PLCB1: variants seen among roughly 807,000 people sequenced by gnomAD.
PLCB1 encodes the protein phospholipase C beta 1.
PLCB1 carries 46 observed loss-of-function variants against 161.8 expected under a neutral mutation model. The ratio of observed to expected loss-of-function variants is 0.28; its 90% confidence interval spans 0.22 to 0.36. The LOEUF (loss-of-function observed/expected upper bound fraction) is 0.36. Among genes scored for constraint, PLCB1 ranks in the 10% least tolerant of loss-of-function variants. The pLI, the probability that PLCB1 is intolerant of heterozygous loss-of-function variation, is 1.00. For missense variants in PLCB1, 1,016 were observed against 1,472.5 expected (o/e 0.69, Z 5.07); for synonymous variants, 517 against 503.7 (o/e 1.03, Z -0.35).
chr20:8,523,492 CTCTCTA>C (rs1292338243), intron 3 of PLCB1, among the ~76,000 whole-genome samples: 33 of 61,854 alleles, frequency 5.3e-4, no homozygotes, highest in East Asian at 4.7e-3. Flanking sequence ...CTCTCTCTCT[CTCTCTA>C]TATATATATA....
chr20:8,642,175 C>A (rs1988977727), intron 4 of PLCB1, among the ~76,000 whole-genome samples: 1 of 152,078 alleles, frequency 6.6e-6, no homozygotes, highest in South Asian at 2.1e-4. Context: ...GATTGGCAAT[C>A]ATTTCTCTTT....
chr20:8,512,812 A>G (rs906934261), intron 3 of PLCB1, among the ~76,000 whole-genome samples: 16 of 152,124 alleles, frequency 1.1e-4, no homozygotes, highest in Admixed American at 9.8e-4. Context: ...CAAACATTTC[A>G]AATTCATTCT....
At chr20:8,344,628 G>C (rs1223793338) in intron 2 of PLCB1, among the ~76,000 whole-genome samples, 3 of 152,014 alleles carry the variant, frequency 2.0e-5, no homozygotes, top group East Asian at 1.9e-4. Context: ...CCCTGAAAAA[G>C]TCACGTCCCC....
At chr20:8,811,102 G>A (rs1984796989) in intron 31 of PLCB1, among the ~76,000 whole-genome samples, 1 of 152,224 alleles carries the variant, frequency 6.6e-6, no homozygotes. Flanking sequence ...GCATGAGTAT[G>A]AAGGGCATGA....
chr20:8,317,222 A>T (rs147709240), intron 2 of PLCB1, among the ~76,000 whole-genome samples: 526 of 152,286 alleles, frequency 3.5e-3, no homozygotes, highest in Middle Eastern at 0.031. Flanking sequence ...AATGCATAAA[A>T]GTGCTTTAGA....
chr20:8,283,499 C>G (rs915692916), intron 2 of PLCB1, among the ~76,000 whole-genome samples: 1 of 146,396 alleles, frequency 6.8e-6, no homozygotes, highest in African/African-American at 2.7e-5. Context: ...AACATTCTAA[C>G]AGTCTTTAAA....
intron 3 of PLCB1, among the ~76,000 whole-genome samples, chr20:8,466,958 T>C (rs547473934): frequency 2.8e-4 from 42 of 152,276 alleles, no homozygotes; most frequent in African/African-American, 8.9e-4. Flanking sequence ...TTTTGTTTTA[T>C]TTTTGAGATC....
intron 11 of PLCB1, among the ~76,000 whole-genome samples, chr20:8,702,349 C>T (rs1978413484): frequency 6.6e-6 from 1 of 152,144 alleles, no homozygotes; most frequent in Non-Finnish European, 1.5e-5. Context: ...CTACCCACCT[C>T]CTTCCCAGGG....
At chr20:8,649,635 A>C in intron 7 of PLCB1, 186 bp downstream of exon 7, 1 of 571,064 alleles carries the variant, frequency 1.8e-6, no homozygotes. Flanking sequence ...TTATAAGAAG[A>C]GAAAAACAGA....
rs1335746301 is a variant in PLCB1 at position 8,882,339 on chromosome 20, C to CA, written c.*491dup. The CA allele has an allele frequency of 6.1e-6, 1 of 163,310 alleles. No individual in the cohort carries two copies. Among genetic ancestry groups the CA allele is most frequent in the Non-Finnish European group, 1.4e-5 (1 of 73,576 alleles). 10.1% of individuals were successfully genotyped at this position (163,310 alleles called of 1,614,324 possible). A position where few individuals can be genotyped will look rare whatever the true frequency, so the allele number is the denominator to read the frequency against. ...TATCTTCAAGTCAACATGCATATTA[C>CA]ATTTTCATCCTTTGCTTTGCAAGCA... On this transcript the variant is annotated 3_prime_UTR_variant, in exon 32 of 32. Coordinates refer to ENST00000338037, the MANE Select transcript of PLCB1 (RefSeq NM_015192.4).
At chr20:8,372,510 T>TA (rs5840262) in intron 3 of PLCB1, among the ~76,000 whole-genome samples, 1 of 151,958 alleles carries the variant, frequency 6.6e-6, no homozygotes, top group Non-Finnish European at 1.5e-5. Flanking sequence ...TGGTAAAATG[T>TA]AAAAAACAAA....
chr20:8,772,161 G>A (rs957418034), intron 26 of PLCB1, among the ~76,000 whole-genome samples: 17 of 151,132 alleles, frequency 1.1e-4, no homozygotes, highest in Non-Finnish European at 2.2e-4. Context: ...AATTACAGGC[G>A]TGAGCCACCA....
At chr20:8,328,020 A>T (rs1485724865) in intron 2 of PLCB1, among the ~76,000 whole-genome samples, 1 of 152,118 alleles carries the variant, frequency 6.6e-6, no homozygotes, top group Non-Finnish European at 1.5e-5. Context: ...AGTATTCTTT[A>T]TCTGAAATGC....
At position 8,223,686 on chromosome 20, in the gene PLCB1, A is replaced by T. The variant is rs555589639; in HGVS notation, c.177+73315A>T. 2.6e-5 allele frequency among the ~76,000 whole-genome samples: 4 copies of T among 152,286 alleles called. No individual in the cohort carries two copies. The East Asian group carries it at 5.8e-4, about 22-fold the overall frequency. On this transcript the variant is annotated intron_variant, in intron 2 of 31. Coordinates refer to ENST00000338037, the MANE Select transcript of PLCB1 (RefSeq NM_015192.4). ...ATCTATCCAAATACTTGTAGAATTC[A>T]AAAAGAGCATACATTCTTAAGAGTG...
At chr20:8,555,748 G>T (rs1191007529) in intron 3 of PLCB1, among the ~76,000 whole-genome samples, 1 of 152,012 alleles carries the variant, frequency 6.6e-6, no homozygotes, top group Non-Finnish European at 1.5e-5. Context: ...GGAGCTATTT[G>T]TTTGTCAGGG....
intron 3 of PLCB1, among the ~76,000 whole-genome samples, chr20:8,426,380 G>T (rs1041966154): frequency 6.6e-6 from 1 of 152,206 alleles, no homozygotes. Context: ...CCGACCACGC[G>T]CACTGGTTTT....
chr20:8,468,183 C>T (rs1001629012), intron 3 of PLCB1, among the ~76,000 whole-genome samples: 2 of 152,082 alleles, frequency 1.3e-5, no homozygotes, highest in East Asian at 1.9e-4. Context: ...CTGGAAGAAG[C>T]GTGAGGGAGC....
At position 8,189,206 on chromosome 20, in the gene PLCB1, T is replaced by C. The variant is rs1007060726; in HGVS notation, c.177+38835T>C. ...TTAGCATAATGGCTTCCAAGTATTGTGTTCGAGATTTTTGCTAAGTGAATA... is the reference window on the plus strand; with the variant it reads ...TTAGCATAATGGCTTCCAAGTATTGCGTTCGAGATTTTTGCTAAGTGAATA... On this transcript the variant is annotated intron_variant, in intron 2 of 31. Coordinates refer to ENST00000338037, the MANE Select transcript of PLCB1 (RefSeq NM_015192.4). Among the ~76,000 whole-genome samples, 10 of 151,736 alleles carry C rather than the reference T, an allele frequency of 6.6e-5. No individual in the cohort carries two copies. The South Asian group carries it at 1.2e-3, about 19-fold the overall frequency.
chr20:8,567,583 C>T (rs796873280), intron 3 of PLCB1, among the ~76,000 whole-genome samples: 6 of 152,154 alleles, frequency 3.9e-5, no homozygotes, highest in African/African-American at 1.4e-4. Context: ...GCATATAAAA[C>T]CAATGTCACT....
Sources: gnomAD v4.1 joint callset for allele counts (sites outside exome capture counted in the v4.1 genomes callset) on GRCh38, gnomAD v4.1.1 for gene constraint, MANE v1.5 for transcripts, NCBI Gene and HGNC (gene_info 2026-07-23, HGNC 2026-07-21) for gene names.